TAS2R1: variants seen among roughly 807,000 people sequenced by gnomAD.
TAS2R1 encodes the protein taste receptor type 2 member 1.
For missense variants in TAS2R1, 370 were observed against 353.4 expected (o/e 1.05, Z -0.38); for synonymous variants, 141 against 134.2 (o/e 1.05, Z -0.35).
At chr5:9,687,980 C>A (rs1741161984) in intron 1 of TAS2R1, among the ~76,000 whole-genome samples, 1 of 152,198 alleles carries the variant, frequency 6.6e-6, no homozygotes, top group South Asian at 2.1e-4. Context: ...CTCCAATTAA[C>A]CTGCTTTTGC....
chr5:9,872,623 T>C, the TAS2R1 span, among the ~76,000 whole-genome samples: 12 of 152,220 alleles, frequency 7.9e-5, no homozygotes, highest in Non-Finnish European at 1.5e-5. Context: ...AATTGGAATA[T>C]GATACATGAA....
the TAS2R1 span, among the ~76,000 whole-genome samples, chr5:9,747,322 C>T: frequency 6.6e-6 from 1 of 152,116 alleles, no homozygotes; most frequent in Non-Finnish European, 1.5e-5. Context: ...TACAGGAACA[C>T]ATGAGTGGGG....
At chr5:9,719,842 T>C in the TAS2R1 span, among the ~76,000 whole-genome samples, 7,028 of 139,234 alleles carry the variant, frequency 0.05, 432 homozygotes, top group African/African-American at 0.15. Context: ...GGCGTCAACC[T>C]GGGAGGCGGA....
At chr5:9,809,840 A>G in the TAS2R1 span, among the ~76,000 whole-genome samples, 1 of 152,196 alleles carries the variant, frequency 6.6e-6, no homozygotes, top group Non-Finnish European at 1.5e-5. Context: ...AGAGCCACAC[A>G]TGAATCTACA....
intron 1 of TAS2R1, among the ~76,000 whole-genome samples, chr5:9,703,794 A>G (rs41478): frequency 0.85 from 128,832 of 152,158 alleles, 55,011 homozygotes; most frequent in African/African-American, 0.94. Flanking sequence ...TGGAGTGGAT[A>G]AGGAGGCAGG....
chr5:9,704,690 TATAAC>T (rs1198837120), intron 1 of TAS2R1, among the ~76,000 whole-genome samples: 3 of 152,240 alleles, frequency 2.0e-5, no homozygotes, highest in Admixed American at 6.5e-5. Flanking sequence ...CATACTAACT[TATAAC>T]AGAATGCAAA....
intron 1 of TAS2R1, among the ~76,000 whole-genome samples, chr5:9,669,169 G>C (rs934809583): frequency 6.6e-6 from 1 of 152,048 alleles, no homozygotes; most frequent in Non-Finnish European, 1.5e-5. Flanking sequence ...AGACAAAGAG[G>C]GGAATGACAG....
chr5:9,711,959 C>T (rs996184095), intron 1 of TAS2R1, among the ~76,000 whole-genome samples: 1 of 145,576 alleles, frequency 6.9e-6, no homozygotes, highest in Non-Finnish European at 1.5e-5. Flanking sequence ...AGCCACTGTG[C>T]CCAGCCTTAT....
chr5:9,718,394 T>C, the TAS2R1 span, among the ~76,000 whole-genome samples: 1 of 152,094 alleles, frequency 6.6e-6, no homozygotes, highest in Non-Finnish European at 1.5e-5. Flanking sequence ...CCAAAAGTCC[T>C]ACAGAAAAAT....
At chr5:9,810,686 G>A in the TAS2R1 span, among the ~76,000 whole-genome samples, 1 of 152,158 alleles carries the variant, frequency 6.6e-6, no homozygotes, top group Middle Eastern at 3.4e-3. Context: ...GCTAATATCT[G>A]GAAAACTGCT....
At chr5:9,851,979 C>T in the TAS2R1 span, among the ~76,000 whole-genome samples, 1 of 152,098 alleles carries the variant, frequency 6.6e-6, no homozygotes, top group Non-Finnish European at 1.5e-5. Flanking sequence ...ATTAATATGG[C>T]TCAGAGACAT....
At chr5:9,890,926 T>C in the TAS2R1 span, among the ~76,000 whole-genome samples, 5 of 152,192 alleles carry the variant, frequency 3.3e-5, no homozygotes, top group Admixed American at 2.6e-4. Flanking sequence ...CATGTGGACA[T>C]CGTTTTTTGG....
the TAS2R1 span, among the ~76,000 whole-genome samples, chr5:9,813,351 C>A: frequency 6.6e-6 from 1 of 152,204 alleles, no homozygotes; most frequent in African/African-American, 2.4e-5. Context: ...GTCTCTGGAA[C>A]TTTGTTACAG....
intron 1 of TAS2R1, among the ~76,000 whole-genome samples, chr5:9,673,656 G>C (rs931884014): frequency 6.6e-6 from 1 of 151,032 alleles, no homozygotes; most frequent in South Asian, 2.1e-4. Context: ...AAAAAAAACA[G>C]AATTTATCCA....
At chr5:9,728,999 G>C in the TAS2R1 span, among the ~76,000 whole-genome samples, 2 of 152,206 alleles carry the variant, frequency 1.3e-5, no homozygotes, top group Admixed American at 6.5e-5. Context: ...CTGGCTCAGA[G>C]AGAAAGAGCA....
chr5:9,888,254 C>T, the TAS2R1 span, among the ~76,000 whole-genome samples: 1 of 152,116 alleles, frequency 6.6e-6, no homozygotes, highest in African/African-American at 2.4e-5. Context: ...ATGGCCGCTG[C>T]CTGACTCTGA....
chr5:9,753,415 AT>A, the TAS2R1 span, among the ~76,000 whole-genome samples: 1 of 152,064 alleles, frequency 6.6e-6, no homozygotes, highest in Non-Finnish European at 1.5e-5. Flanking sequence ...TTTCTTGTAA[AT>A]TTTTGAGTTC....
the TAS2R1 span, among the ~76,000 whole-genome samples, chr5:9,719,890 C>G: frequency 7.0e-6 from 1 of 142,264 alleles, no homozygotes; most frequent in Non-Finnish European, 1.5e-5. Flanking sequence ...TGCACTCCAG[C>G]CTGGGCGACA....
the TAS2R1 span, among the ~76,000 whole-genome samples, chr5:9,859,698 G>T: frequency 6.6e-6 from 1 of 152,266 alleles, no homozygotes. Context: ...CTCAGTTGCT[G>T]CTTGCCTCTC....
Sources: gnomAD v4.1 joint callset for allele counts (sites outside exome capture counted in the v4.1 genomes callset) on GRCh38, gnomAD v4.1.1 for gene constraint, MANE v1.5 for transcripts, NCBI Gene and HGNC (gene_info 2026-07-23, HGNC 2026-07-21) for gene names.